GGA3: variants seen among roughly 807,000 people sequenced by gnomAD.
The protein encoded by GGA3 is ADP-ribosylation factor-binding protein GGA3.
GGA3 carries 57 observed loss-of-function variants against 77.5 expected under a neutral mutation model. The ratio of observed to expected loss-of-function variants is 0.74; its 90% CI spans 0.59 to 0.92. GGA3 has a LOEUF of 0.92. Among genes scored for constraint, GGA3 ranks in the 40% least tolerant of loss-of-function variants. GGA3 has a pLI of 0.00. For synonymous variants in GGA3, 416 were observed against 383.7 expected, an observed-to-expected ratio of 1.08 and a Z score of -0.98; for missense variants, 970 against 914.9, an observed-to-expected ratio of 1.06 and a Z score of -0.78.
rs546320459 is a variant in GGA3 at position 75,238,427 on chromosome 17, G to A, written c.2062-38C>T. ...GCAGCAAGTGAGATCCAGCCCAGGC[G>A]GCCCCTTGGCAGGACGCCCTCTATT... On this transcript the variant is annotated intron_variant, in intron 16 of 16. Transcript: ENST00000537686. The A allele has an allele frequency of 5.0e-5, 78 of 1,569,622 alleles. No homozygotes were observed. In the East Asian group the frequency reaches 5.4e-4, roughly 11 times the overall value.
At chr17:75,259,098 C>T (rs1260339895) in intron 1 of GGA3, among the ~76,000 whole-genome samples, 1 of 151,810 alleles carries the variant, frequency 6.6e-6, no homozygotes, top group South Asian at 2.1e-4. Flanking sequence ...GGACTACAGG[C>T]GCCCGCCACT....
At position 75,242,391 on chromosome 17, in the gene GGA3, A is replaced by G. The variant is rs1285144136; in HGVS notation, c.692T>C (p.Met231Thr). Residue 231 changes from methionine to threonine, a missense_variant, in exon 8 of 17, where the codon ATG becomes ACG. By Grantham distance (81) the Met-to-Thr change is moderately conservative (BLOSUM62 -1). Transcript: ENST00000537686. ...VNNNVRLLSE[M>T]LLHYSQEDSS... ...GTCCTCCTGGCTGTAATGAAGCAGC[A>G]TCTCACTGAGCAGTCTCACGTTGTT... The G allele has an allele frequency of 6.2e-7, 1 of 1,614,194 alleles. No individual in the cohort carries two copies. Among genetic ancestry groups the G allele is most frequent in the African/African-American group, 1.3e-5 (1 of 75,062 alleles).
chr17:75,246,777 G>A lies in GGA3; in HGVS notation c.60C>T (p.Ser20=). ...TGTATTCCCAGTCCTCCTGGCGGTT[G>A]GAAGGATTGGTGGCTTTATCTTGCA... ...ESWLNKATNP[S]NRQEDWEYII... Residue 20 remains serine, a synonymous_variant, in exon 2 of 17, where the codon TCC becomes TCT. Transcript: ENST00000537686. 1 of 1,612,872 alleles carries A rather than the reference G, an allele frequency of 6.2e-7. No homozygotes were observed. Among genetic ancestry groups the A allele is most frequent in the Non-Finnish European group, 8.5e-7 (1 of 1,179,820 alleles).
intron 3 of GGA3, 33 bp downstream of exon 3, chr17:75,246,476 G>T: frequency 7.1e-7 from 1 of 1,416,254 alleles, no homozygotes; most frequent in Non-Finnish European, 1.0e-6. Context: ...GTGAAGGGCT[G>T]CGGTTTCCAC....
At position 75,237,419 on chromosome 17, in the gene GGA3, T is replaced by C. The variant is rs112636593; in HGVS notation, c.*860A>G. On this transcript the variant is annotated 3_prime_UTR_variant, in exon 17 of 17. Coordinates refer to ENST00000537686, the MANE Select transcript of GGA3 (RefSeq NM_138619.4). ...AAAGCAGTAGGATGTAGAGTGGCGG[T>C]AGATTCCAAGGGGAGGATAGCAGTT... 6 of 1,415,662 alleles carry C rather than the reference T, an allele frequency of 4.2e-6. No individual in the cohort carries two copies. Among genetic ancestry groups the C allele is most frequent in the Admixed American group, 2.0e-5 (1 of 50,826 alleles). The allele number at this position is 1,415,662 out of a possible 1,614,324, so 87.7% of individuals were successfully genotyped here.
chr17:75,260,952 C>T (rs565852683), intron 1 of GGA3, among the ~76,000 whole-genome samples: 1 of 152,328 alleles, frequency 6.6e-6, no homozygotes, highest in East Asian at 1.9e-4. Flanking sequence ...ACCGATTTCA[C>T]CATGCTTCTG....
At chr17:75,244,803 G>A (rs953313349) in intron 3 of GGA3, 86 bp from the exon 4 acceptor site, 9 of 848,918 alleles carry the variant, frequency 1.1e-5, no homozygotes, top group Admixed American at 1.8e-5. Context: ...CACCCAGAGA[G>A]TACTGAATAA....
In GGA3 at chr17:75,237,282, C is replaced by T; in HGVS notation, c.*997G>A. 1.6e-6 allele frequency: 1 copy of T among 614,254 alleles called. No homozygotes were observed. Among genetic ancestry groups the T allele is most frequent in the Non-Finnish European group, 2.9e-6 (1 of 344,510 alleles). The allele number at this position is 614,254 out of a possible 1,614,324, so 38.1% of individuals were successfully genotyped here. A position where few individuals can be genotyped will look rare whatever the true frequency, so the allele number is the denominator to read the frequency against. Reference sequence around the variant, plus strand: ...AGTAGCTGGGGAACAGTTGAGGTTTCTGGGCAGCACATTAGGACATATGTC... The same window carrying T: ...AGTAGCTGGGGAACAGTTGAGGTTTTTGGGCAGCACATTAGGACATATGTC... On this transcript the variant is annotated 3_prime_UTR_variant, in exon 17 of 17. Coordinates refer to ENST00000537686, the MANE Select transcript of GGA3 (RefSeq NM_138619.4).
intron 2 of GGA3, 59 bp downstream of exon 2, chr17:75,246,653 T>A: frequency 6.3e-7 from 1 of 1,592,070 alleles, no homozygotes; most frequent in Non-Finnish European, 8.6e-7. Context: ...TCCTTGGCCA[T>A]GGTTGTTCCC....
At chr17:75,250,947 T>A (rs2076944255) in intron 1 of GGA3, among the ~76,000 whole-genome samples, 1 of 150,720 alleles carries the variant, frequency 6.6e-6, no homozygotes, top group Non-Finnish European at 1.5e-5. Flanking sequence ...TGGGCATGGT[T>A]CCGCGCACCT....
chr17:75,248,399 G>A (rs1198441380), intron 1 of GGA3, among the ~76,000 whole-genome samples: 11 of 142,532 alleles, frequency 7.7e-5, no homozygotes, highest in African/African-American at 2.8e-4. Flanking sequence ...CGAACCCGGG[G>A]GGTGGAGTCT....
chr17:75,242,255 G>C, intron 8 of GGA3, 81 bp downstream of exon 8: 1 of 1,416,212 alleles, frequency 7.1e-7, no homozygotes, highest in Non-Finnish European at 1.0e-6. Context: ...CTCTGACAAG[G>C]CACGTGCTCA....
At chr17:75,238,437 C>A in intron 16 of GGA3, 48 bp from the exon 17 acceptor site, 1 of 1,498,846 alleles carries the variant, frequency 6.7e-7, no homozygotes, top group Non-Finnish European at 9.2e-7. Context: ...GGCCCCTTGG[C>A]AGGACGCCCT....
upstream of GGA3, chr17:75,261,928 C>T (rs748923000): frequency 1.9e-5 from 30 of 1,608,924 alleles, no homozygotes; most frequent in Non-Finnish European, 2.4e-5. Context: ...GAAGGTTGCC[C>T]GAGGATGGTC....
rs962838902 is a variant in GGA3, at chr17:75,237,765, C to G, written c.*514G>C. 2 of 1,430,786 alleles carry G rather than the reference C, an allele frequency of 1.4e-6. No individual in the cohort carries two copies. The highest frequency in any genetic ancestry group is 1.8e-6 in the Non-Finnish European group (2 of 1,097,108). The allele number at this position is 1,430,786 out of a possible 1,614,324, so 88.6% of individuals were successfully genotyped here. A position where few individuals can be genotyped will look rare whatever the true frequency, so the allele number is the denominator to read the frequency against. On this transcript the variant is annotated 3_prime_UTR_variant, in exon 17 of 17. Transcript: ENST00000537686. ...TCCTTATTCTGGGCCAGGCACCTTC[C>G]TGGGCCACCTCCCTGGGGATGGCAG...
At chr17:75,240,524 C>A (rs11077781) in intron 11 of GGA3, 112 bp from the exon 12 acceptor site, 611,878 of 721,672 alleles carry the variant, frequency 0.85, 260,443 homozygotes, top group East Asian at 0.95. Context: ...GTGAAGGCGC[C>A]GGGAGAAGCT....
chr17:75,245,189 C>T (rs1028848873), intron 3 of GGA3, among the ~76,000 whole-genome samples: 1 of 152,216 alleles, frequency 6.6e-6, no homozygotes, highest in Non-Finnish European at 1.5e-5. Flanking sequence ...CTCCTCCCTC[C>T]GCTTATCTCC....
intron 1 of GGA3, among the ~76,000 whole-genome samples, chr17:75,250,769 A>T (rs2076936883): frequency 6.8e-6 from 1 of 147,512 alleles, no homozygotes. Flanking sequence ...CTCCAAAAAA[A>T]AAAAAAAAAA....
intron 8 of GGA3, 173 bp downstream of exon 8, chr17:75,242,163 A>T: frequency 1.4e-6 from 1 of 709,850 alleles, no homozygotes; most frequent in Non-Finnish European, 2.4e-6. Context: ...CAGGAGGCAA[A>T]TGGGGACGCC....
Sources: gnomAD v4.1 joint callset for allele counts (sites outside exome capture counted in the v4.1 genomes callset) on GRCh38, gnomAD v4.1.1 for gene constraint, MANE v1.5 for transcripts, NCBI Gene and HGNC (gene_info 2026-07-23, HGNC 2026-07-21) for gene names.